MYOM1: variants seen among roughly 807,000 people sequenced by gnomAD.
MYOM1 encodes myomesin-1.
MYOM1 carries 164 observed loss-of-function variants against 205.3 expected under a neutral mutation model. That is an observed-to-expected ratio of 0.80 (90% CI 0.70 to 0.91). The LOEUF is 0.91. MYOM1 is among the 40% of genes least tolerant of loss of function. The pLI is 0.00. For missense variants in MYOM1, 2,011 were observed against 2,127.3 expected, an observed-to-expected ratio of 0.95 and a Z score of 1.08; for synonymous variants, 772 against 789.4, an observed-to-expected ratio of 0.98 and a Z score of 0.37.
the MYOM1 span, among the ~76,000 whole-genome samples, chr18:3,242,850 T>G: frequency 6.6e-6 from 1 of 152,234 alleles, no homozygotes; most frequent in East Asian, 1.9e-4. Context: ...AGACTAATAC[T>G]GCCAGATAAT....
intron 5 of MYOM1, among the ~76,000 whole-genome samples, chr18:3,186,099 G>A (rs1180077083): frequency 2.0e-5 from 3 of 152,144 alleles, no homozygotes; most frequent in Admixed American, 6.5e-5. Context: ...GGGAGGCTGA[G>A]GCAGGAGAAT....
chr18:3,191,849 C>A (rs867192055), intron 3 of MYOM1, among the ~76,000 whole-genome samples: 19 of 151,704 alleles, frequency 1.3e-4, no homozygotes, highest in Non-Finnish European at 1.0e-4. Flanking sequence ...GTGCCCGCCA[C>A]CACGCCCGGC....
chr18:3,147,083 T>C (rs1171166544), intron 13 of MYOM1, among the ~76,000 whole-genome samples: 3 of 109,662 alleles, frequency 2.7e-5, no homozygotes, highest in African/African-American at 8.9e-5. Flanking sequence ...TATATATAAA[T>C]ATTATACATT....
intron 11 of MYOM1, among the ~76,000 whole-genome samples, chr18:3,154,237 G>A (rs147597285): frequency 0.012 from 1,810 of 152,028 alleles, 23 homozygotes; most frequent in African/African-American, 0.04. Flanking sequence ...TGCCAAATTA[G>A]TGACATAAGC....
Position 3,102,634 on chromosome 18 carries a change from C to T in MYOM1, c.3419-4G>A. 1 of 1,609,694 alleles carries T rather than the reference C, an allele frequency of 6.2e-7. No homozygotes were observed. The highest frequency in any genetic ancestry group is 8.5e-7 in the Non-Finnish European group (1 of 1,178,394). ...TTTACAACAACCTCTTTGGTTCCTA[C>T]AAGATCAAAAAGAAGGCACTGATAC... On this transcript the variant is annotated splice_polypyrimidine_tract_variant and splice_region_variant and intron_variant, in intron 22 of 37. Transcript: ENST00000356443.
intron 19 of MYOM1, among the ~76,000 whole-genome samples, chr18:3,122,460 A>G (rs2079709722): frequency 6.6e-6 from 1 of 152,194 alleles, no homozygotes; most frequent in African/African-American, 2.4e-5. Context: ...TAAAAATATC[A>G]CTTCAAAATT....
chr18:3,107,123 T>G (rs9964024), intron 22 of MYOM1, among the ~76,000 whole-genome samples: 86,935 of 152,000 alleles, frequency 0.57, 26,043 homozygotes, highest in East Asian at 0.76. Context: ...GTTTAAAAAT[T>G]TCTTTTTTTT....
chr18:3,123,152 C>T (rs551731368), intron 19 of MYOM1, among the ~76,000 whole-genome samples: 19 of 152,142 alleles, frequency 1.2e-4, no homozygotes, highest in African/African-American at 4.6e-4. Context: ...CAATATAGTG[C>T]TAAAGTCACT....
intron 21 of MYOM1, among the ~76,000 whole-genome samples, chr18:3,114,420 C>T (rs1567912610): frequency 6.6e-6 from 1 of 151,090 alleles, no homozygotes; most frequent in Non-Finnish European, 1.5e-5. Context: ...TTCTGTTGCC[C>T]GGGCTGGAGT....
chr18:3,131,481 T>G lies in MYOM1; in HGVS notation c.2400A>C (p.Gly800=). ...PVKGSRFTCH[G]LVTGQSYIFR... is the part of the protein sequence containing the mutation. ...AAATATAACTCTGACCAGTCACTAA[T>G]CCATGACAAGTGAATCTAAAAGGAA... The change falls in exon 17 of 38, where the codon GGA becomes GGC. Residue 800 remains glycine, a synonymous_variant. Coordinates refer to ENST00000356443, the MANE Select transcript of MYOM1 (RefSeq NM_003803.4). 1.2e-6 allele frequency: 2 copies of G among 1,612,312 alleles called. No individual in the cohort carries two copies. The highest frequency in any genetic ancestry group is 1.7e-6 in the Non-Finnish European group (2 of 1,179,382).
At chr18:3,233,521 T>C in the MYOM1 span, among the ~76,000 whole-genome samples, 5 of 152,186 alleles carry the variant, frequency 3.3e-5, no homozygotes, top group Non-Finnish European at 5.9e-5. Flanking sequence ...CACTGAATAA[T>C]AGACCCTGGT....
chr18:3,125,916 T>C (rs2143860245), intron 19 of MYOM1, among the ~76,000 whole-genome samples: 1 of 152,272 alleles, frequency 6.6e-6, no homozygotes, highest in African/African-American at 2.4e-5. Flanking sequence ...TCACAGCTGG[T>C]GAGCTGAGTC....
chr18:3,147,669 TAG>T lies in MYOM1; in HGVS notation c.1900+1474_1900+1475del, dbSNP rs2080149698. On this transcript the variant is annotated intron_variant, in intron 13 of 37. Transcript: ENST00000356443. ...ATGGAAGGGGAAAAAAATTGACCAA[TAG>T]AGATTCCAGAAATTGATCCACACAT... Among the ~76,000 whole-genome samples the T allele has an allele frequency of 2.0e-5, 3 of 152,122 alleles. No homozygotes were observed. In the South Asian group the frequency reaches 6.2e-4, roughly 32 times the overall value.
At chr18:3,188,033 G>A (rs1395843870) in intron 4 of MYOM1, among the ~76,000 whole-genome samples, 1 of 150,904 alleles carries the variant, frequency 6.6e-6, no homozygotes, top group Admixed American at 6.6e-5. Context: ...GAGATTTTAG[G>A]GGTTTCACCA....
chr18:3,083,904 G>T lies in MYOM1; in HGVS notation c.4379-10C>A, dbSNP rs778724592. Reference sequence around the variant, plus strand: ...TCTGTAGCAGACAAAGCTGAAAGAAGAAAATAGCATATTTCATACATCTGC... The same window carrying T: ...TCTGTAGCAGACAAAGCTGAAAGAATAAAATAGCATATTTCATACATCTGC... On this transcript the variant is annotated splice_polypyrimidine_tract_variant and intron_variant, in intron 32 of 37. Coordinates refer to ENST00000356443, the MANE Select transcript of MYOM1 (RefSeq NM_003803.4). The T allele has an allele frequency of 3.2e-6, 5 of 1,576,268 alleles. No individual in the cohort carries two copies. In the South Asian group the frequency reaches 4.6e-5, roughly 15 times the overall value.
At chr18:3,240,655 G>C in the MYOM1 span, among the ~76,000 whole-genome samples, 2 of 152,198 alleles carry the variant, frequency 1.3e-5, no homozygotes, top group Non-Finnish European at 2.9e-5. Context: ...TACCAGTAGA[G>C]TGGGCGCTGC....
chr18:3,181,730 TAA>T (rs2080733802), intron 5 of MYOM1, among the ~76,000 whole-genome samples: 3 of 104,426 alleles, frequency 2.9e-5, no homozygotes, highest in East Asian at 3.0e-4. Flanking sequence ...TGAAACTGAA[TAA>T]TTTTTTTTTT....
At chr18:3,166,315 G>T (rs751981560) in intron 9 of MYOM1, among the ~76,000 whole-genome samples, 6 of 146,128 alleles carry the variant, frequency 4.1e-5, no homozygotes, top group Non-Finnish European at 8.9e-5. Context: ...CTGTCATCCA[G>T]GCTAGAGTGC....
chr18:3,244,826 G>C, the MYOM1 span, among the ~76,000 whole-genome samples: 1 of 152,038 alleles, frequency 6.6e-6, no homozygotes, highest in African/African-American at 2.4e-5. Flanking sequence ...CTGAACCTAG[G>C]AGGCAGAGGT....
Sources: gnomAD v4.1 joint callset for allele counts (sites outside exome capture counted in the v4.1 genomes callset) on GRCh38, gnomAD v4.1.1 for gene constraint, MANE v1.5 for transcripts, NCBI Gene and HGNC (gene_info 2026-07-23, HGNC 2026-07-21) for gene names.